The following NRXN1 variants were observed in gnomAD, a reference collection of about 807,000 sequenced individuals.
NRXN1 encodes neurexin-1.
Under a neutral mutation model 150.9 loss-of-function variants are expected in NRXN1, and 39 were observed. The ratio of observed to expected loss-of-function variants is 0.26; its 90% CI spans 0.20 to 0.34. The LOEUF is 0.34. Among genes scored for constraint, NRXN1 ranks in the 10% least tolerant of loss-of-function variants. NRXN1 has a pLI of 1.00. For synonymous variants in NRXN1, 924 were observed against 757.0 expected (o/e 1.22, Z -3.62); for missense variants, 1,815 against 1,949.9 (o/e 0.93, Z 1.30).
chr2:50,274,181 G>T (rs576106905), intron 17 of NRXN1, among the ~76,000 whole-genome samples: 1 of 151,814 alleles, frequency 6.6e-6, no homozygotes, highest in Admixed American at 6.6e-5. Flanking sequence ...ATACACCATG[G>T]AATACTATGC....
chr2:50,950,336 A>T (rs1484684192), intron 2 of NRXN1, among the ~76,000 whole-genome samples: 2 of 152,176 alleles, frequency 1.3e-5, no homozygotes, highest in African/African-American at 4.8e-5. Context: ...CAAATTATAT[A>T]TCTAGTTATT....
chr2:50,593,630 T>C (rs1024452704), intron 8 of NRXN1, among the ~76,000 whole-genome samples: 2 of 152,172 alleles, frequency 1.3e-5, no homozygotes, highest in African/African-American at 4.8e-5. Context: ...GTAGATTTTG[T>C]GGATTAATTG....
intron 2 of NRXN1, among the ~76,000 whole-genome samples, chr2:50,949,033 C>T (rs1291399757): frequency 2.0e-5 from 3 of 151,948 alleles, no homozygotes; most frequent in Non-Finnish European, 4.4e-5. Flanking sequence ...GTTCTATAAA[C>T]CCAAGGAAAT....
chr2:50,496,008 G>A lies in NRXN1; in HGVS notation c.2967C>T (p.His989=), dbSNP rs1449052965. ...TGGTGTCCCTTGATATCATCACGTTGTGCCACTGATTGTCATTGAGAGGTT... is the reference window on the plus strand; with the variant it reads ...TGGTGTCCCTTGATATCATCACGTTATGCCACTGATTGTCATTGAGAGGTT... ...SNKPLNDNQW[H]NVMISRDTSN... Residue 989 remains histidine, a synonymous_variant, in exon 15 of 23, where the codon CAC becomes CAT. Coordinates refer to ENST00000401669, the MANE Select transcript of NRXN1 (RefSeq NM_001330078.2). The A allele has an allele frequency of 4.3e-6, 7 of 1,613,538 alleles. No homozygotes were observed. In the East Asian group the frequency reaches 6.7e-5, roughly 15 times the overall value.
chr2:50,200,046 T>C (rs1415722582), intron 18 of NRXN1, among the ~76,000 whole-genome samples: 1 of 152,184 alleles, frequency 6.6e-6, no homozygotes, highest in Non-Finnish European at 1.5e-5. Flanking sequence ...TGCTGCTGGA[T>C]GCAGCTAATA....
intron 2 of NRXN1, among the ~76,000 whole-genome samples, chr2:50,945,784 T>C (rs1207251548): frequency 6.6e-6 from 1 of 150,716 alleles, no homozygotes; most frequent in Admixed American, 6.7e-5. Flanking sequence ...CCTCCTCACA[T>C]AAAATTTAGA....
At chr2:50,871,014 T>G (rs1347228098) in intron 5 of NRXN1, among the ~76,000 whole-genome samples, 1 of 151,958 alleles carries the variant, frequency 6.6e-6, no homozygotes, top group Non-Finnish European at 1.5e-5. Context: ...ATTGTAAAAG[T>G]GTTAATCACA....
At chr2:50,545,917 A>G (rs1009548597) in intron 9 of NRXN1, among the ~76,000 whole-genome samples, 5 of 152,156 alleles carry the variant, frequency 3.3e-5, no homozygotes, top group Admixed American at 6.5e-5. Flanking sequence ...ATCTAATACA[A>G]TGTAAATGCT....
intron 5 of NRXN1, among the ~76,000 whole-genome samples, chr2:50,629,188 G>A (rs545438295): frequency 6.6e-6 from 1 of 151,736 alleles, no homozygotes; most frequent in East Asian, 1.9e-4. Flanking sequence ...GTGTTACCCT[G>A]CATAAATTAT....
intron 8 of NRXN1, chr2:50,615,668 T>C (rs1382751574): frequency 2.0e-5 from 3 of 152,224 alleles, no homozygotes; most frequent in Non-Finnish European, 4.4e-5. Context: ...AAAATATATC[T>C]AGTGAGCACC....
chr2:50,383,884 G>T (rs2081139991), intron 17 of NRXN1, among the ~76,000 whole-genome samples: 1 of 152,138 alleles, frequency 6.6e-6, no homozygotes, highest in Non-Finnish European at 1.5e-5. Flanking sequence ...AAAAAGACCA[G>T]TTGGGAACTG....
At chr2:50,819,525 G>A (rs1362979609) in intron 5 of NRXN1, among the ~76,000 whole-genome samples, 1 of 151,930 alleles carries the variant, frequency 6.6e-6, no homozygotes, top group South Asian at 2.1e-4. Context: ...GGGATAATAG[G>A]GCATAGGGAA....
intron 17 of NRXN1, among the ~76,000 whole-genome samples, chr2:50,301,652 G>C (rs892827472): frequency 1.3e-5 from 2 of 152,124 alleles, no homozygotes; most frequent in South Asian, 2.1e-4. Context: ...TATGTAGCCA[G>C]TTTCTAGCAT....
intron 2 of NRXN1, among the ~76,000 whole-genome samples, chr2:50,975,341 G>A (rs1387612037): frequency 6.6e-6 from 1 of 152,046 alleles, no homozygotes; most frequent in African/African-American, 2.4e-5. Flanking sequence ...TTTGAGAACT[G>A]CTAATCTAAA....
intron 21 of NRXN1, chr2:49,973,672 T>A: frequency 2.6e-6 from 1 of 384,366 alleles, no homozygotes; most frequent in Non-Finnish European, 4.7e-6. Context: ...GCCACAAGCA[T>A]GCTGATAAAC....
At chr2:50,887,602 T>C (rs531073908) in intron 5 of NRXN1, among the ~76,000 whole-genome samples, 1 of 151,612 alleles carries the variant, frequency 6.6e-6, no homozygotes, top group Admixed American at 6.6e-5. Context: ...TTTACTCTTT[T>C]AATGTCTATG....
rs191855218 is a variant in NRXN1 at position 49,998,283 on chromosome 2, A to G, written c.4129-54492T>C. Among the ~76,000 whole-genome samples the G allele has an allele frequency of 5.5e-4, 84 of 152,312 alleles. 1 individual carries two copies. In the East Asian group the frequency reaches 0.01, roughly 18 times the overall value. On this transcript the variant is annotated intron_variant, in intron 21 of 22. Transcript: ENST00000401669. Reference sequence around the variant, plus strand: ...AAATGATGCCTCCTAACAGACTACTATATGACCCGTGACTCCTGAAGTAGT... The same window carrying G: ...AAATGATGCCTCCTAACAGACTACTGTATGACCCGTGACTCCTGAAGTAGT...
intron 18 of NRXN1, among the ~76,000 whole-genome samples, chr2:50,107,538 TA>T (rs200572640): frequency 2.9e-4 from 35 of 119,392 alleles, no homozygotes; most frequent in African/African-American, 7.7e-4. Context: ...TATATATATA[TA>T]TTTTTTTTTT....
chr2:50,026,859 C>CTTTTTTTTTTTTTTTT lies in NRXN1; in HGVS notation c.4128+26396_4128+26411dup, dbSNP rs57580154. 4.0e-4 allele frequency among the ~76,000 whole-genome samples: 26 copies of CTTTTTTTTTTTTTTTT among 65,242 alleles called. 8 individuals carry two copies. Among genetic ancestry groups the CTTTTTTTTTTTTTTTT allele is most frequent in the East Asian group, 1.2e-3 (2 of 1,632 alleles). 42.8% of individuals were successfully genotyped at this position (65,242 alleles called of 152,430 possible). A position where few individuals can be genotyped will look rare whatever the true frequency, so the allele number is the denominator to read the frequency against. On this transcript the variant is annotated intron_variant, in intron 21 of 22. Transcript: ENST00000401669. ...TTGCATTGTTTAAGTCTTTTCTTTT[C>CTTTTTTTTTTTTTTTT]TTTTTTTTTTTTTTTTTTTTTTTTT...
Sources: allele counts gnomAD v4.1 joint callset (sites outside exome capture counted in the v4.1 genomes callset), GRCh38; gene constraint gnomAD v4.1.1; transcripts MANE v1.5; gene names NCBI Gene and HGNC (gene_info 2026-07-23, HGNC 2026-07-21).